The following PLXDC1 variants were observed in gnomAD, a reference collection of about 807,000 sequenced individuals.
PLXDC1 encodes plexin domain-containing protein 1.
In PLXDC1, 39 loss-of-function variants were observed where a neutral mutation model predicts 61.3. The observed-to-expected ratio is 0.64, with a 90% CI of 0.49 to 0.83. The LOEUF is 0.83. Ranked by LOEUF, PLXDC1 falls within the 40% of genes least tolerant of loss-of-function variation. The pLI is 0.00. For missense variants in PLXDC1, 596 were observed against 666.5 expected (o/e 0.89, Z 1.17); for synonymous variants, 212 against 254.5 (o/e 0.83, Z 1.59).
intron 11 of PLXDC1, among the ~76,000 whole-genome samples, chr17:39,075,358 T>C (rs892404305): frequency 1.3e-5 from 2 of 152,228 alleles, no homozygotes; most frequent in Non-Finnish European, 2.9e-5. Context: ...TAATGGGAGC[T>C]GTCGGAATCT....
chr17:39,077,992 A>G lies in PLXDC1; in HGVS notation c.1107T>C (p.Pro369=), dbSNP rs1401224889. 2 of 1,613,624 alleles carry G rather than the reference A, an allele frequency of 1.2e-6. No homozygotes were observed. Among genetic ancestry groups the G allele is most frequent in the Admixed American group, 1.7e-5 (1 of 59,962 alleles). The change falls in exon 11 of 14, where the codon CCT becomes CCC. Residue 369 remains proline, a synonymous_variant. Coordinates refer to ENST00000315392, the MANE Select transcript of PLXDC1 (RefSeq NM_020405.5). The stretch of plus-strand genomic sequence containing the variant: ...CATCATAGGGGCTGAAGGAAGTGTC[A>G]GGGGAGGCTGAGTCGTGGTCCTCAT... ...FQDEDHDSAS[P]DTSFSPYDGD...
In PLXDC1 at chr17:39,067,615, G is replaced by A. The variant is rs1908944017; in HGVS notation, c.*225C>T. On this transcript the variant is annotated 3_prime_UTR_variant, in exon 14 of 14. Coordinates refer to ENST00000315392, the MANE Select transcript of PLXDC1 (RefSeq NM_020405.5). Reference sequence around the variant, plus strand: ...GAGAACCCTTGCATCAAAACAGGATGAGATTAGGTTGTTGTTCCTATAAAA... The same window carrying A: ...GAGAACCCTTGCATCAAAACAGGATAAGATTAGGTTGTTGTTCCTATAAAA... 3 of 480,030 alleles carry A rather than the reference G, an allele frequency of 6.2e-6. No homozygotes were observed. The highest frequency in any genetic ancestry group is 6.9e-5 in the South Asian group (2 of 29,000). 29.7% of individuals were successfully genotyped at this position (480,030 alleles called of 1,614,324 possible).
chr17:39,108,392 C>G, intron 4 of PLXDC1, 147 bp from the exon 5 acceptor site: 1 of 814,366 alleles, frequency 1.2e-6, no homozygotes, highest in Admixed American at 2.2e-5. Flanking sequence ...CTGGCGGGCT[C>G]TGGGTCTGGT....
At chr17:39,152,477 T>C, upstream of PLXDC1, 1 of 1,143,614 alleles carries the variant, frequency 8.7e-7, no homozygotes, top group East Asian at 3.2e-5. Context: ...ACCCGCAATG[T>C]AGGATATTTA....
rs148287287 is a variant in PLXDC1 at position 39,090,983 on chromosome 17, G to A, written c.812-3281C>T. ...GGAGAGAGAGGAGGCCCACAGAGGCGGCCTGACCGCGGTACTGTGCTGGCA... is the reference window on the plus strand; with the variant it reads ...GGAGAGAGAGGAGGCCCACAGAGGCAGCCTGACCGCGGTACTGTGCTGGCA... On this transcript the variant is annotated intron_variant, in intron 7 of 13. Coordinates refer to ENST00000315392, the MANE Select transcript of PLXDC1 (RefSeq NM_020405.5). Among the ~76,000 whole-genome samples the A allele has an allele frequency of 7.0e-3, 1,063 of 152,268 alleles. 18 individuals carry two copies. The highest frequency in any genetic ancestry group is 0.023 in the African/African-American group (960 of 41,542).
At chr17:39,135,192 C>T (rs1911704567) in intron 2 of PLXDC1, among the ~76,000 whole-genome samples, 1 of 152,242 alleles carries the variant, frequency 6.6e-6, no homozygotes, top group Non-Finnish European at 1.5e-5. Flanking sequence ...CCTGGTCCTC[C>T]TGTCTTTAGG....
At chr17:39,133,289 G>A (rs1051243686) in intron 2 of PLXDC1, among the ~76,000 whole-genome samples, 2 of 152,108 alleles carry the variant, frequency 1.3e-5, no homozygotes, top group Non-Finnish European at 2.9e-5. Flanking sequence ...ACGAGGGCAG[G>A]GTAGAGTTTG....
chr17:39,078,759 C>T (rs1909438601), intron 10 of PLXDC1, among the ~76,000 whole-genome samples: 2 of 152,202 alleles, frequency 1.3e-5, no homozygotes, highest in Non-Finnish European at 2.9e-5. Context: ...TTAGCAGGTG[C>T]ATCATTAAGG....
chr17:39,094,385 G>A (rs1055250683), intron 7 of PLXDC1, among the ~76,000 whole-genome samples: 1 of 152,154 alleles, frequency 6.6e-6, no homozygotes, highest in East Asian at 1.9e-4. Context: ...ATAGGTTCTA[G>A]AGTCCAATGT....
chr17:39,082,501 G>T (rs1211496934), intron 9 of PLXDC1, among the ~76,000 whole-genome samples: 1 of 151,112 alleles, frequency 6.6e-6, no homozygotes, highest in Non-Finnish European at 1.5e-5. Flanking sequence ...GGAGGTAAAG[G>T]TTGCAGTGAG....
intron 2 of PLXDC1, among the ~76,000 whole-genome samples, chr17:39,119,419 C>T (rs1367925284): frequency 6.6e-6 from 1 of 152,074 alleles, no homozygotes; most frequent in Admixed American, 6.6e-5. Context: ...TACTATGTAC[C>T]CCATGAATAT....
intron 4 of PLXDC1, 44 bp downstream of exon 4, chr17:39,108,860 T>G (rs372993926): frequency 7.2e-7 from 1 of 1,391,146 alleles, no homozygotes; most frequent in Non-Finnish European, 1.0e-6. Flanking sequence ...GAGTTCGGGC[T>G]GAGGTCTCCA....
rs767837865 is a variant in PLXDC1, at chr17:39,072,474, A to G, written c.1198T>C (p.Leu400=). Residue 400 remains leucine, a synonymous_variant, in exon 12 of 14, where the codon TTG becomes CTG. Transcript: ENST00000315392. The part of the protein sequence containing the change: ...DSLTTEDDTK[L]NPYAGGDGLQ... ...CCGTCTCCTCCTGCATAGGGATTCA[A>G]CTTGGTGTCATCTTCAAAGAGAGAA... The G allele has an allele frequency of 1.0e-5, 16 of 1,549,732 alleles. No homozygotes were observed. Among genetic ancestry groups the G allele is most frequent in the African/African-American group, 9.5e-5 (7 of 73,654 alleles).
chr17:39,098,642 A>G (rs961075413), intron 7 of PLXDC1, among the ~76,000 whole-genome samples: 1 of 152,174 alleles, frequency 6.6e-6, no homozygotes, highest in Non-Finnish European at 1.5e-5. Flanking sequence ...AGTATCAGCG[A>G]AGTGCCGGGG....
At chr17:39,102,642 C>G (rs1910460168) in intron 7 of PLXDC1, among the ~76,000 whole-genome samples, 1 of 151,880 alleles carries the variant, frequency 6.6e-6, no homozygotes, top group Non-Finnish European at 1.5e-5. Flanking sequence ...TGTGCTGAGA[C>G]AGAACAGTGG....
intron 7 of PLXDC1, among the ~76,000 whole-genome samples, chr17:39,088,730 C>T (rs1039137672): frequency 3.9e-5 from 6 of 152,008 alleles, no homozygotes; most frequent in African/African-American, 1.4e-4. Context: ...CACTTGAGGT[C>T]AGGAGTTCGA....
chr17:39,150,725 G>A (rs936253222), intron 1 of PLXDC1, among the ~76,000 whole-genome samples: 1 of 152,204 alleles, frequency 6.6e-6, no homozygotes, highest in Non-Finnish European at 1.5e-5. Context: ...GCCAAAGGCT[G>A]CCAGGGCAAA....
intron 9 of PLXDC1, among the ~76,000 whole-genome samples, chr17:39,082,801 A>G (rs1909610995): frequency 6.6e-6 from 1 of 152,202 alleles, no homozygotes; most frequent in African/African-American, 2.4e-5. Context: ...CTAATCTGTG[A>G]GGAAATGATT....
intron 7 of PLXDC1, among the ~76,000 whole-genome samples, chr17:39,092,854 C>T (rs146714417): frequency 3.9e-5 from 6 of 152,210 alleles, no homozygotes; most frequent in Admixed American, 6.5e-5. Context: ...CCTGAATTGC[C>T]GTTGTTGCCA....
Sources: gnomAD v4.1 joint callset for allele counts (sites outside exome capture counted in the v4.1 genomes callset) on GRCh38, gnomAD v4.1.1 for gene constraint, MANE v1.5 for transcripts, NCBI Gene and HGNC (gene_info 2026-07-23, HGNC 2026-07-21) for gene names.